Variants in CERS6 observed in about 807,000 individuals in gnomAD.
CERS6 encodes LAG1 homolog, ceramide synthase 6.
Under a neutral mutation model 56.8 loss-of-function variants are expected in CERS6, and 26 were observed. The ratio of observed to expected loss-of-function variants is 0.46; its 90% CI spans 0.34 to 0.63. CERS6 has a LOEUF of 0.63. Ranked by LOEUF, CERS6 falls within the 30% of genes least tolerant of loss-of-function variation. The pLI, the probability that CERS6 is intolerant of heterozygous loss-of-function variation, is 0.01. For synonymous variants in CERS6, 164 were observed against 173.3 expected, an observed-to-expected ratio of 0.95 and a Z score of 0.42; for missense variants, 415 against 467.5, an observed-to-expected ratio of 0.89 and a Z score of 1.04.
chr2:168,556,550 G>A (rs1695682245), intron 2 of CERS6, among the ~76,000 whole-genome samples: 1 of 152,014 alleles, frequency 6.6e-6, no homozygotes, highest in Admixed American at 6.6e-5. Context: ...CATTGAACTA[G>A]CAAGAGAAAG....
intron 4 of CERS6, among the ~76,000 whole-genome samples, chr2:168,641,124 A>T (rs1169975169): frequency 6.6e-6 from 1 of 152,000 alleles, no homozygotes; most frequent in Admixed American, 6.6e-5. Context: ...CTATTCCTTC[A>T]TTACCATTTA....
chr2:168,643,676 G>A (rs779189910), intron 4 of CERS6, among the ~76,000 whole-genome samples: 5 of 152,120 alleles, frequency 3.3e-5, no homozygotes, highest in African/African-American at 7.2e-5. Context: ...CTTTCCTTGC[G>A]TTTTTCGGCT....
At chr2:168,764,225 C>A (rs1466225059) in intron 8 of CERS6, among the ~76,000 whole-genome samples, 3 of 152,130 alleles carry the variant, frequency 2.0e-5, no homozygotes, top group Admixed American at 2.0e-4. Context: ...TCACTGCAAG[C>A]CCCACCTCCC....
At chr2:168,558,766 T>G (rs1241979035) in intron 2 of CERS6, among the ~76,000 whole-genome samples, 4 of 152,274 alleles carry the variant, frequency 2.6e-5, no homozygotes, top group African/African-American at 9.6e-5. Context: ...CTACTCTGGA[T>G]GCTGAGGCAG....
intron 9 of CERS6, among the ~76,000 whole-genome samples, chr2:168,767,435 CT>C (rs2105468510): frequency 6.6e-6 from 1 of 152,268 alleles, no homozygotes; most frequent in Non-Finnish European, 1.5e-5. Flanking sequence ...GACTAATGGA[CT>C]TAACAACATA....
chr2:168,769,379 T>C lies in CERS6; in HGVS notation c.1003-131T>C, dbSNP rs1684806570. 3.9e-6 allele frequency: 3 copies of C among 778,334 alleles called. No homozygotes were observed. The South Asian group carries it at 6.6e-5, about 17-fold the overall frequency. The allele number at this position is 778,334 out of a possible 1,614,324, so 48.2% of individuals were successfully genotyped here. ...GAAGGGGAACTTATTGCTCTGGCAATGTTCTCATCCTCTTCAGTTTTTTAA... is the reference window on the plus strand; with the variant it reads ...GAAGGGGAACTTATTGCTCTGGCAACGTTCTCATCCTCTTCAGTTTTTTAA... On this transcript the variant is annotated intron_variant, in intron 9 of 9. Coordinates refer to ENST00000305747, the MANE Select transcript of CERS6 (RefSeq NM_203463.3).
At chr2:168,749,567 C>G (rs1684201613) in intron 8 of CERS6, among the ~76,000 whole-genome samples, 1 of 152,192 alleles carries the variant, frequency 6.6e-6, no homozygotes, top group African/African-American at 2.4e-5. Context: ...GTCTCCTTTT[C>G]TGGAGCAGGA....
At chr2:168,490,019 A>G (rs1347985800) in intron 1 of CERS6, among the ~76,000 whole-genome samples, 1 of 152,130 alleles carries the variant, frequency 6.6e-6, no homozygotes, top group African/African-American at 2.4e-5. Context: ...TTCAGGTTAT[A>G]TTTCTGTCTC....
chr2:168,542,402 C>T (rs1341453100), intron 1 of CERS6, among the ~76,000 whole-genome samples: 1 of 152,144 alleles, frequency 6.6e-6, no homozygotes, highest in Non-Finnish European at 1.5e-5. Flanking sequence ...CAGATTTCCC[C>T]AGTTTTGTTA....
intron 4 of CERS6, among the ~76,000 whole-genome samples, chr2:168,647,160 A>G (rs1685223924): frequency 6.6e-6 from 1 of 152,236 alleles, no homozygotes; most frequent in East Asian, 1.9e-4. Flanking sequence ...CTTCCTATCC[A>G]TGAACATAGG....
intron 1 of CERS6, among the ~76,000 whole-genome samples, chr2:168,491,108 A>G (rs889214493): frequency 9.2e-5 from 14 of 152,196 alleles, no homozygotes; most frequent in African/African-American, 3.1e-4. Context: ...CAGGCAGTTG[A>G]CAGTCACGCT....
At chr2:168,519,374 A>C (rs182023104) in intron 1 of CERS6, among the ~76,000 whole-genome samples, 1 of 152,166 alleles carries the variant, frequency 6.6e-6, no homozygotes, top group Admixed American at 6.5e-5. Context: ...TCTTTTAAAA[A>C]TTTTTTTAAA....
In CERS6 at chr2:168,488,728, G is replaced by A. The variant is rs1387418165; in HGVS notation, c.170+32110G>A. Among the ~76,000 whole-genome samples, 4 of 150,648 alleles carry A rather than the reference G, an allele frequency of 2.7e-5. No homozygotes were observed. In the East Asian group the frequency reaches 7.8e-4, roughly 29 times the overall value. On this transcript the variant is annotated intron_variant, in intron 1 of 9. Transcript: ENST00000305747. Reference sequence around the variant, plus strand: ...CTATCTTTAAAAAAATTTTTTTTTGGTGAATGCTCTGGGAGTTATAATATA... The same window carrying A: ...CTATCTTTAAAAAAATTTTTTTTTGATGAATGCTCTGGGAGTTATAATATA...
Position 168,773,359 on chromosome 2 carries a change from A to G in CERS6, c.*3697A>G, listed in dbSNP as rs1160312234. On this transcript the variant is annotated 3_prime_UTR_variant, in exon 10 of 10. Coordinates refer to ENST00000305747, the MANE Select transcript of CERS6 (RefSeq NM_203463.3). ...GGCTTCAAGAAATCCTTTGGAAATA[A>G]AAAGTTAAATGTTTACATTTCATGT... 6.6e-6 allele frequency: 1 copy of G among 152,244 alleles called. No homozygotes were observed. The highest frequency in any genetic ancestry group is 1.5e-5 in the Non-Finnish European group (1 of 68,042). The allele number at this position is 152,244 out of a possible 1,614,324, so 9.4% of individuals were successfully genotyped here.
intron 4 of CERS6, among the ~76,000 whole-genome samples, chr2:168,645,252 C>T (rs1180483768): frequency 6.8e-6 from 1 of 147,180 alleles, no homozygotes; most frequent in African/African-American, 2.5e-5. Flanking sequence ...TCTGTTCTCC[C>T]TCCATCCCAC....
At chr2:168,623,964 A>G (rs963664114) in intron 3 of CERS6, among the ~76,000 whole-genome samples, 1 of 152,170 alleles carries the variant, frequency 6.6e-6, no homozygotes, top group Non-Finnish European at 1.5e-5. Flanking sequence ...AAGGTCATAG[A>G]TGGGCTCTTA....
At chr2:168,528,857 G>A (rs577290041) in intron 1 of CERS6, among the ~76,000 whole-genome samples, 9 of 152,314 alleles carry the variant, frequency 5.9e-5, no homozygotes, top group Admixed American at 4.6e-4. Context: ...TGATTGTGAA[G>A]TTAAATGAAA....
rs77250722 is a variant in CERS6, at chr2:168,505,066, T to C, written c.171-42530T>C. 3.7e-3 allele frequency among the ~76,000 whole-genome samples: 566 copies of C among 152,020 alleles called. 3 individuals are homozygous for C. The highest frequency in any genetic ancestry group is 0.012 in the African/African-American group (482 of 41,468). On this transcript the variant is annotated intron_variant, in intron 1 of 9. Coordinates refer to ENST00000305747, the MANE Select transcript of CERS6 (RefSeq NM_203463.3). ...AAGGAGAGACCTGCAGAATGGTATCTCCCTAATGAGAAAAAGAAATATGAG... is the reference window on the plus strand; with the variant it reads ...AAGGAGAGACCTGCAGAATGGTATCCCCCTAATGAGAAAAAGAAATATGAG...
At chr2:168,602,863 G>C (rs11678181) in intron 3 of CERS6, among the ~76,000 whole-genome samples, 98,911 of 152,142 alleles carry the variant, frequency 0.65, 37,924 homozygotes, top group South Asian at 0.86. Context: ...CAAAAATACA[G>C]GTTCCTGTAG....
Sources: allele counts gnomAD v4.1 joint callset (sites outside exome capture counted in the v4.1 genomes callset), GRCh38; gene constraint gnomAD v4.1.1; transcripts MANE v1.5; gene names NCBI Gene and HGNC (gene_info 2026-07-23, HGNC 2026-07-21).